Variants in PLN observed in about 807,000 individuals in gnomAD.
PLN encodes phospholamban, also known as cardiac phospholamban.
PLN carries 1 observed loss-of-function variant against 3.9 expected under a neutral mutation model. The observed-to-expected ratio is 0.26, with a 90% CI of 0.09 to 1.23. PLN has a LOEUF of 1.23. Among genes scored for constraint, PLN ranks in the 50% most tolerant of loss-of-function variants. The pLI, the probability that PLN is intolerant of heterozygous loss-of-function variation, is 0.48. For synonymous variants in PLN, 21 were observed against 20.5 expected, an observed-to-expected ratio of 1.02 and a Z score of -0.07; for missense variants, 59 against 62.7, an observed-to-expected ratio of 0.94 and a Z score of 0.20.
chr6:118,558,573 G>A lies in PLN; in HGVS notation c.-97-252G>A, dbSNP rs1490623372. On this transcript the variant is annotated intron_variant, in intron 1 of 1. Coordinates refer to ENST00000357525, the MANE Select transcript of PLN (RefSeq NM_002667.5). ...AACACAAATGAGACGGTCATGGTGT[G>A]CCCCATCAAAAAAGGAGAGAAAGAG... is the stretch of plus-strand genomic sequence containing the variant. 6.0e-5 allele frequency among the ~76,000 whole-genome samples: 9 copies of A among 150,994 alleles called. No homozygotes were observed. In the East Asian group the frequency reaches 1.4e-3, roughly 23 times the overall value.
rs397516784 is a variant in PLN, at chr6:118,558,956, TAAG to T, written c.40_42del (p.Arg14del). On this transcript the variant is annotated inframe_deletion, in exon 2 of 2. Coordinates refer to ENST00000357525, the MANE Select transcript of PLN (RefSeq NM_002667.5). ...GTCCAATACCTCACTCGCTCAGCTATAAGAAGAGCCTCAACCATTGAAATGCCT... is the reference window on the plus strand; with the variant it reads ...GTCCAATACCTCACTCGCTCAGCTATAAGAGCCTCAACCATTGAAATGCCT... The T allele has an allele frequency of 6.2e-6, 10 of 1,613,470 alleles. No homozygotes were observed. Among genetic ancestry groups the T allele is most frequent in the East Asian group, 2.2e-5 (1 of 44,884 alleles).
At chr6:118,554,929 G>A (rs9481825) in intron 1 of PLN, among the ~76,000 whole-genome samples, 25,305 of 152,106 alleles carry the variant, frequency 0.17, 2,252 homozygotes, top group Non-Finnish European at 0.19. Flanking sequence ...CAGTGTCAAC[G>A]TAGGGGATGA....
rs926934657 is a variant in PLN at position 118,560,306 on chromosome 6, G to A, written c.*1226G>A. 7.2e-5 allele frequency: 12 copies of A among 167,020 alleles called. No individual in the cohort carries two copies. In the South Asian group the frequency reaches 1.7e-3, roughly 23 times the overall value. The allele number at this position is 167,020 out of a possible 1,614,324, so 10.3% of individuals were successfully genotyped here. A position where few individuals can be genotyped will look rare whatever the true frequency, so the allele number is the denominator to read the frequency against. ...AACAGTAAATTAACACATATTTTGC[G>A]TGTTATATGTATTATACACTATATT... On this transcript the variant is annotated 3_prime_UTR_variant, in exon 2 of 2. Transcript: ENST00000357525.
intron 1 of PLN, among the ~76,000 whole-genome samples, chr6:118,552,388 T>C (rs1778601056): frequency 6.6e-6 from 1 of 152,080 alleles, no homozygotes; most frequent in Non-Finnish European, 1.5e-5. Flanking sequence ...AAAGTATCAA[T>C]TGTCTAGCAA....
chr6:118,551,290 A>G (rs1192694634), intron 1 of PLN, among the ~76,000 whole-genome samples: 1 of 151,796 alleles, frequency 6.6e-6, no homozygotes, highest in Non-Finnish European at 1.5e-5. Flanking sequence ...GTGCCTTTGA[A>G]AAGGTACTCC....
chr6:118,554,063 G>T (rs1212598337), intron 1 of PLN, among the ~76,000 whole-genome samples: 12 of 152,000 alleles, frequency 7.9e-5, no homozygotes, highest in Admixed American at 7.9e-4. Flanking sequence ...GTAATCCCAG[G>T]AATTACCTGA....
At chr6:118,557,878 C>T (rs2114962257) in intron 1 of PLN, among the ~76,000 whole-genome samples, 1 of 152,114 alleles carries the variant, frequency 6.6e-6, no homozygotes, top group Non-Finnish European at 1.5e-5. Context: ...ATTTTCATTT[C>T]TCAAACATGA....
At chr6:118,554,645 A>G (rs1324188268) in intron 1 of PLN, among the ~76,000 whole-genome samples, 1 of 152,220 alleles carries the variant, frequency 6.6e-6, no homozygotes, top group Non-Finnish European at 1.5e-5. Flanking sequence ...CTATAATCTG[A>G]CAGATATCCT....
At chr6:118,558,692 G>A in intron 1 of PLN, 133 bp from the exon 2 acceptor site, 1 of 550,582 alleles carries the variant, frequency 1.8e-6, no homozygotes, top group South Asian at 2.0e-5. Context: ...GAGAGAGGGA[G>A]AGAGACTATA....
chr6:118,559,140 A>G lies in PLN; in HGVS notation c.*60A>G. On this transcript the variant is annotated 3_prime_UTR_variant, in exon 2 of 2. Coordinates refer to ENST00000357525, the MANE Select transcript of PLN (RefSeq NM_002667.5). ...ACATCAGCTTAAAATCTGTCATCCCATGCAGACAGGAAAACAATATTGTAT... is the reference window on the plus strand; with the variant it reads ...ACATCAGCTTAAAATCTGTCATCCCGTGCAGACAGGAAAACAATATTGTAT... 1 of 1,246,024 alleles carries G rather than the reference A, an allele frequency of 8.0e-7. No individual in the cohort carries two copies. The highest frequency in any genetic ancestry group is 1.2e-5 in the South Asian group (1 of 83,712). The allele number at this position is 1,246,024 out of a possible 1,614,324, so 77.2% of individuals were successfully genotyped here. A position where few individuals can be genotyped will look rare whatever the true frequency, so the allele number is the denominator to read the frequency against.
chr6:118,558,652 C>CAGAGAG (rs1482465423), intron 1 of PLN, among the ~76,000 whole-genome samples, 173 bp from the exon 2 acceptor site: 37 of 132,982 alleles, frequency 2.8e-4, no homozygotes, highest in African/African-American at 1.1e-3. Context: ...CACACACACA[C>CAGAGAG]ACACACACAG....
In PLN at chr6:118,558,882, C is replaced by A. The variant is rs774271388; in HGVS notation, c.-40C>A. ...GGCTGCCAGCTTTTTATCTTTCTCT[C>A]GACCACTTAAAACTTCAGACTTCCT... On this transcript the variant is annotated 5_prime_UTR_variant, in exon 2 of 2. Transcript: ENST00000357525. The A allele has an allele frequency of 3.2e-6, 5 of 1,552,426 alleles. No individual in the cohort carries two copies. The highest frequency in any genetic ancestry group is 4.4e-6 in the Non-Finnish European group (5 of 1,124,308).
At chr6:118,555,974 C>T (rs1183476842) in intron 1 of PLN, among the ~76,000 whole-genome samples, 2 of 152,192 alleles carry the variant, frequency 1.3e-5, no homozygotes, top group East Asian at 3.8e-4. Flanking sequence ...CCGCAAAAGA[C>T]ATGATATCAT....
At chr6:118,552,685 C>T (rs539821223) in intron 1 of PLN, among the ~76,000 whole-genome samples, 2 of 150,986 alleles carry the variant, frequency 1.3e-5, no homozygotes, top group African/African-American at 2.4e-5. Context: ...TCCAGCGTTA[C>T]TTTTCTTGAG....
intron 1 of PLN, among the ~76,000 whole-genome samples, chr6:118,552,435 A>G (rs1778603791): frequency 1.3e-5 from 2 of 152,054 alleles, no homozygotes; most frequent in Admixed American, 1.3e-4. Flanking sequence ...TCAGAAGACT[A>G]TTGAGGTTCC....
At position 118,551,008 on chromosome 6, in the gene PLN, CCAAT is replaced by C. The variant is rs367575241; in HGVS notation, c.-98+2624_-98+2627del. 1.8e-3 allele frequency among the ~76,000 whole-genome samples: 276 copies of C among 151,794 alleles called. 2 individuals are homozygous for C. The highest frequency in any genetic ancestry group is 8.9e-3 in the East Asian group (46 of 5,174). On this transcript the variant is annotated intron_variant, in intron 1 of 1. Coordinates refer to ENST00000357525, the MANE Select transcript of PLN (RefSeq NM_002667.5). ...CAGACTTTAAAAAAAATAACACACC[CCAAT>C]CAATCAAAGTTTCCTTTTATTTGTT...
At chr6:118,558,660 C>CAG (rs369698272) in intron 1 of PLN, among the ~76,000 whole-genome samples, 165 bp from the exon 2 acceptor site, 1,525 of 122,234 alleles carry the variant, frequency 0.012, 37 homozygotes, top group African/African-American at 0.044. Context: ...CACACACACA[C>CAG]AGAGAGAGAG....
At chr6:118,552,272 AG>A (rs1410282888) in intron 1 of PLN, among the ~76,000 whole-genome samples, 1 of 152,094 alleles carries the variant, frequency 6.6e-6, no homozygotes, top group African/African-American at 2.4e-5. Flanking sequence ...TTATTATTTC[AG>A]CAAAAGGAAT....
At position 118,559,127 on chromosome 6, in the gene PLN, A is replaced by G. The variant is rs778941150; in HGVS notation, c.*47A>G. On this transcript the variant is annotated 3_prime_UTR_variant, in exon 2 of 2. Coordinates refer to ENST00000357525, the MANE Select transcript of PLN (RefSeq NM_002667.5). The stretch of plus-strand genomic sequence containing the variant: ...TCTGCAGCTTGCCACATCAGCTTAA[A>G]ATCTGTCATCCCATGCAGACAGGAA... 3 of 1,418,010 alleles carry G rather than the reference A, an allele frequency of 2.1e-6. No individual in the cohort carries two copies. In the South Asian group the frequency reaches 3.4e-5, roughly 16 times the overall value. The allele number at this position is 1,418,010 out of a possible 1,614,324, so 87.8% of individuals were successfully genotyped here.
Sources: gnomAD v4.1 joint callset for allele counts (sites outside exome capture counted in the v4.1 genomes callset) on GRCh38, gnomAD v4.1.1 for gene constraint, MANE v1.5 for transcripts, NCBI Gene and HGNC (gene_info 2026-07-23, HGNC 2026-07-21) for gene names.